Variants in FAM13A observed in about 807,000 individuals in gnomAD.
FAM13A encodes family with sequence similarity 13 member A, also known as protein FAM13A.
Under a neutral mutation model 129.6 loss-of-function variants are expected in FAM13A, and 76 were observed. The ratio of observed to expected loss-of-function variants is 0.59; its 90% CI spans 0.49 to 0.71. The LOEUF (loss-of-function observed/expected upper bound fraction) is 0.71, where lower values mean the gene tolerates loss of function less well. FAM13A is among the 30% of genes least tolerant of loss of function. The pLI is 0.00. For missense variants in FAM13A, 1,108 were observed against 1,249.3 expected (o/e 0.89, Z 1.70); for synonymous variants, 443 against 449.9 (o/e 0.98, Z 0.20).
chr4:88,937,836 C>T (rs759231049), intron 5 of FAM13A: 73 of 539,370 alleles, frequency 1.4e-4, no homozygotes, highest in Non-Finnish European at 2.0e-4. Context: ...GAGCACTGGG[C>T]TCATGCAAGT....
chr4:88,781,426 A>G, intron 10 of FAM13A, 75 bp from the exon 11 acceptor site: 2 of 999,186 alleles, frequency 2.0e-6, no homozygotes, highest in Non-Finnish European at 2.9e-6. Context: ...ACTACATCAT[A>G]TCATACCTAG....
At chr4:89,038,871 T>C (rs535010084) in intron 1 of FAM13A, among the ~76,000 whole-genome samples, 25 of 152,302 alleles carry the variant, frequency 1.6e-4, no homozygotes, top group Non-Finnish European at 3.1e-4. Flanking sequence ...ATGATTTTCA[T>C]AGTGTCAAAA....
chr4:88,736,176 A>G (rs1367764045), intron 21 of FAM13A, among the ~76,000 whole-genome samples: 1 of 152,234 alleles, frequency 6.6e-6, no homozygotes, highest in African/African-American at 2.4e-5. Flanking sequence ...TAAAGACACA[A>G]TATAGTATAC....
intron 7 of FAM13A, chr4:88,822,918 T>C (rs1370659673): frequency 8.2e-6 from 13 of 1,592,370 alleles, no homozygotes; most frequent in Admixed American, 1.8e-5. Flanking sequence ...CAAAGTTATA[T>C]GGCTTGATAC....
chr4:88,867,289 CG>C (rs771760366), intron 6 of FAM13A, among the ~76,000 whole-genome samples: 4 of 152,164 alleles, frequency 2.6e-5, no homozygotes, highest in Non-Finnish European at 4.4e-5. Context: ...ACTTATCCTC[CG>C]GAAGTCACAT....
intron 7 of FAM13A, among the ~76,000 whole-genome samples, chr4:88,830,018 G>A (rs1733620053): frequency 6.6e-6 from 1 of 152,154 alleles, no homozygotes. Context: ...TTATATGTGT[G>A]TGTGCGCATA....
At chr4:88,807,995 T>G (rs1385151362) in intron 7 of FAM13A, among the ~76,000 whole-genome samples, 1 of 152,196 alleles carries the variant, frequency 6.6e-6, no homozygotes, top group South Asian at 2.1e-4. Context: ...GAGTCAGTAT[T>G]ACATTTAGTC....
At chr4:88,741,554 G>A (rs1364183465) in intron 19 of FAM13A, among the ~76,000 whole-genome samples, 1 of 152,104 alleles carries the variant, frequency 6.6e-6, no homozygotes, top group Admixed American at 6.6e-5. Flanking sequence ...TTTTGATATG[G>A]GTGCTGGTTA....
intron 4 of FAM13A, among the ~76,000 whole-genome samples, chr4:88,977,082 G>A (rs184082646): frequency 2.0e-4 from 31 of 152,200 alleles, no homozygotes; most frequent in Middle Eastern, 3.4e-3. Flanking sequence ...GATATGTCAC[G>A]TAAATATGTA....
At chr4:88,856,309 G>C (rs1358729907) in intron 6 of FAM13A, among the ~76,000 whole-genome samples, 1 of 151,736 alleles carries the variant, frequency 6.6e-6, no homozygotes, top group East Asian at 1.9e-4. Flanking sequence ...ATGAGACCCT[G>C]TCTCTACAAA....
intron 6 of FAM13A, among the ~76,000 whole-genome samples, chr4:88,871,092 T>A (rs528103744): frequency 6.6e-6 from 1 of 152,280 alleles, no homozygotes; most frequent in East Asian, 1.9e-4. Flanking sequence ...CAGAAAGGAA[T>A]AGCATCAACA....
chr4:89,016,925 G>C (rs568428920), intron 3 of FAM13A, among the ~76,000 whole-genome samples: 1 of 152,260 alleles, frequency 6.6e-6, no homozygotes, highest in African/African-American at 2.4e-5. Flanking sequence ...TAAGCCACAG[G>C]CCAGGCCTAC....
chr4:88,972,929 T>G (rs1268385294), intron 4 of FAM13A, among the ~76,000 whole-genome samples: 1 of 152,128 alleles, frequency 6.6e-6, no homozygotes, highest in Non-Finnish European at 1.5e-5. Flanking sequence ...TGGGTATAAT[T>G]TTATAGGGTA....
intron 7 of FAM13A, among the ~76,000 whole-genome samples, chr4:88,810,650 A>G (rs1729491670): frequency 6.6e-6 from 1 of 152,202 alleles, no homozygotes; most frequent in Non-Finnish European, 1.5e-5. Context: ...GTTCATTTAC[A>G]GGAATGCTAA....
chr4:88,961,586 C>T (rs1166550809), intron 4 of FAM13A, among the ~76,000 whole-genome samples: 4 of 151,976 alleles, frequency 2.6e-5, no homozygotes, highest in Non-Finnish European at 5.9e-5. Context: ...CCAGGCTGGT[C>T]TCGAACTCCT....
chr4:88,994,210 C>T (rs1459246936), intron 3 of FAM13A, among the ~76,000 whole-genome samples: 1 of 152,162 alleles, frequency 6.6e-6, no homozygotes, highest in Non-Finnish European at 1.5e-5. Flanking sequence ...AGCACACCTA[C>T]ATTTATAATT....
chr4:88,978,771 G>A (rs1475648556), intron 4 of FAM13A, among the ~76,000 whole-genome samples: 1 of 152,006 alleles, frequency 6.6e-6, no homozygotes. Flanking sequence ...TCCAGCCTGG[G>A]CGACAGGGCG....
chr4:88,896,217 C>A (rs570658141), intron 6 of FAM13A, among the ~76,000 whole-genome samples: 29 of 145,278 alleles, frequency 2.0e-4, no homozygotes, highest in Non-Finnish European at 3.6e-4. Context: ...GGGAATTGAA[C>A]AATGAGATCA....
chr4:88,925,292 C>A (rs945875496), intron 5 of FAM13A, among the ~76,000 whole-genome samples: 13 of 151,842 alleles, frequency 8.6e-5, no homozygotes, highest in African/African-American at 3.1e-4. Flanking sequence ...ATAGCAAAGA[C>A]TTGGAACCAA....
Sources: allele counts gnomAD v4.1 joint callset (sites outside exome capture counted in the v4.1 genomes callset), GRCh38; gene constraint gnomAD v4.1.1; transcripts MANE v1.5; gene names NCBI Gene and HGNC (gene_info 2026-07-23, HGNC 2026-07-21).